Variants in TNIK observed in about 807,000 individuals in gnomAD.
TNIK encodes TRAF2 and NCK interacting kinase.
Under a neutral mutation model 191.3 loss-of-function variants are expected in TNIK, and 49 were observed. That is an observed-to-expected ratio of 0.26 (90% CI 0.20 to 0.32). The LOEUF is 0.32. TNIK is among the 10% of genes least tolerant of loss of function. The probability of loss-of-function intolerance (pLI) is 1.00; values close to 1 mark genes in which losing one functional copy is unlikely to be tolerated. For synonymous variants in TNIK, 594 were observed against 600.9 expected (o/e 0.99, Z 0.17); for missense variants, 1,155 against 1,702.3 (o/e 0.68, Z 5.66).
intron 1 of TNIK, among the ~76,000 whole-genome samples, chr3:171,407,272 A>G (rs903666745): frequency 1.3e-5 from 2 of 152,204 alleles, no homozygotes; most frequent in African/African-American, 4.8e-5. Context: ...GATGATGACA[A>G]TCTTGGTAGA....
At position 171,139,369 on chromosome 3, in the gene TNIK, C is replaced by G. The variant is rs1307025781; in HGVS notation, c.1419+101G>C. On this transcript the variant is annotated intron_variant, in intron 14 of 32. Coordinates refer to ENST00000436636, the MANE Select transcript of TNIK (RefSeq NM_015028.4). ...TGGACTGGTATGTTAGAAGGACACA[C>G]GCACGCGCGCACACACACACACACA... 9 of 1,062,344 alleles carry G rather than the reference C, an allele frequency of 8.5e-6. No homozygotes were observed. The East Asian group carries it at 1.2e-4, about 14-fold the overall frequency. 65.8% of individuals were successfully genotyped at this position (1,062,344 alleles called of 1,614,324 possible).
At chr3:171,422,579 A>G (rs1723967085) in intron 1 of TNIK, among the ~76,000 whole-genome samples, 2 of 152,178 alleles carry the variant, frequency 1.3e-5, no homozygotes, top group Non-Finnish European at 2.9e-5. Context: ...ATCAAAATGG[A>G]AAAAATAAAC....
intron 12 of TNIK, among the ~76,000 whole-genome samples, chr3:171,140,973 A>G (rs1242424932): frequency 6.6e-6 from 1 of 152,234 alleles, no homozygotes; most frequent in East Asian, 1.9e-4. Context: ...GCCATACAGA[A>G]TTGATGGCAG....
chr3:171,175,288 G>A lies in TNIK; in HGVS notation c.737C>T (p.Pro246Leu). 1 of 1,612,738 alleles carries A rather than the reference G, an allele frequency of 6.2e-7. No homozygotes were observed. Among genetic ancestry groups the A allele is most frequent in the Non-Finnish European group, 8.5e-7 (1 of 1,179,540 alleles). ...MHPMRALFLIPRNPAPRLKSK... is the reference protein window; with the variant it reads ...MHPMRALFLILRNPAPRLKSK... ...CTTCAGCCGAGGCGCTGGGTTCCGG[G>A]GGATGAGGAAGAGAGCTCTCATGGG... The change falls in exon 9 of 33, where the codon CCC (proline) becomes CTC (leucine). Residue 246 changes from proline (P) to leucine (L), a missense_variant. Physicochemically the swap from Pro to Leu is moderately conservative, Grantham distance 98 (BLOSUM62 -3). Transcript: ENST00000436636.
rs1577354992 is a variant in TNIK, at chr3:171,286,285, A to C, written c.124-58064T>G. Among the ~76,000 whole-genome samples the C allele has an allele frequency of 5.9e-5, 9 of 152,316 alleles. 1 individual carries two copies. In the South Asian group the frequency reaches 1.7e-3, roughly 28 times the overall value. Reference sequence around the variant, plus strand: ...CTATAGTACTTAGAAAACTAACTGAAAATAGGACAATTCATGAATGCCCTG... The same window carrying C: ...CTATAGTACTTAGAAAACTAACTGACAATAGGACAATTCATGAATGCCCTG... On this transcript the variant is annotated intron_variant, in intron 2 of 32. Transcript: ENST00000436636.
chr3:171,177,216 A>G (rs1289039339), intron 8 of TNIK, 110 bp downstream of exon 8: 3 of 1,114,732 alleles, frequency 2.7e-6, no homozygotes, highest in Non-Finnish European at 3.8e-6. Flanking sequence ...GCTTGAATCC[A>G]TGCAGGGCTC....
chr3:171,389,519 T>G (rs1719183631), intron 1 of TNIK, among the ~76,000 whole-genome samples: 1 of 152,152 alleles, frequency 6.6e-6, no homozygotes, highest in Admixed American at 6.5e-5. Flanking sequence ...GTAGAGCACT[T>G]GCTATGGAAA....
intron 1 of TNIK, among the ~76,000 whole-genome samples, chr3:171,422,362 T>G (rs185462700): frequency 6.6e-6 from 1 of 152,264 alleles, no homozygotes; most frequent in Admixed American, 6.5e-5. Flanking sequence ...TGTTTATACA[T>G]ATGAATTCAA....
chr3:171,067,411 C>T (rs1236131529), intron 30 of TNIK, among the ~76,000 whole-genome samples: 3 of 152,242 alleles, frequency 2.0e-5, no homozygotes, highest in Non-Finnish European at 4.4e-5. Context: ...TGGCTCATGC[C>T]TGTAATCCCA....
intron 2 of TNIK, among the ~76,000 whole-genome samples, chr3:171,307,009 T>C (rs944306733): frequency 2.6e-5 from 4 of 152,064 alleles, no homozygotes; most frequent in Non-Finnish European, 5.9e-5. Context: ...TTGTCTACTG[T>C]GCATCTTCAG....
chr3:171,358,965 G>C, intron 2 of TNIK, among the ~76,000 whole-genome samples: 1 of 152,082 alleles, frequency 6.6e-6, no homozygotes, highest in East Asian at 1.9e-4. Flanking sequence ...GGGATAGTAG[G>C]GTATGGGGAG....
At chr3:171,394,012 A>G (rs1252175907) in intron 1 of TNIK, among the ~76,000 whole-genome samples, 1 of 152,234 alleles carries the variant, frequency 6.6e-6, no homozygotes, top group Admixed American at 6.5e-5. Flanking sequence ...CTTACAATCA[A>G]TTGCACATGC....
At chr3:171,095,735 C>T (rs546781024) in intron 22 of TNIK, among the ~76,000 whole-genome samples, 99 of 152,110 alleles carry the variant, frequency 6.5e-4, no homozygotes, top group African/African-American at 2.3e-3. Flanking sequence ...GGAGTCCAGA[C>T]GAGAAAATGT....
chr3:171,314,248 T>C (rs1173642332), intron 2 of TNIK, among the ~76,000 whole-genome samples: 1 of 152,170 alleles, frequency 6.6e-6, no homozygotes, highest in Non-Finnish European at 1.5e-5. Context: ...TATGAGAACC[T>C]CTACTTTAGC....
At chr3:171,145,276 C>T (rs7374056) in intron 12 of TNIK, among the ~76,000 whole-genome samples, 8,962 of 152,040 alleles carry the variant, frequency 0.059, 322 homozygotes, top group Middle Eastern at 0.13. Context: ...TTAGTAGAGA[C>T]GGGGTATCAC....
intron 2 of TNIK, among the ~76,000 whole-genome samples, chr3:171,256,062 A>C (rs1205067759): frequency 6.6e-6 from 1 of 152,190 alleles, no homozygotes; most frequent in Non-Finnish European, 1.5e-5. Context: ...CTACTTTGCC[A>C]CACAGAGGGA....
chr3:171,258,954 C>T (rs1010111931), intron 2 of TNIK, among the ~76,000 whole-genome samples: 6 of 152,154 alleles, frequency 3.9e-5, no homozygotes, highest in Admixed American at 2.6e-4. Flanking sequence ...CGCACACACA[C>T]GCAAACACGC....
chr3:171,387,774 A>G (rs987017413), intron 1 of TNIK, among the ~76,000 whole-genome samples: 1 of 152,202 alleles, frequency 6.6e-6, no homozygotes, highest in Non-Finnish European at 1.5e-5. Context: ...TCAAACCACT[A>G]GGAGTGAGGC....
chr3:171,133,455 C>T (rs1006781022), intron 15 of TNIK, among the ~76,000 whole-genome samples: 4 of 152,128 alleles, frequency 2.6e-5, no homozygotes, highest in African/African-American at 9.7e-5. Flanking sequence ...TGTTGAATAC[C>T]ATATTTCATT....
Sources: allele counts gnomAD v4.1 joint callset (sites outside exome capture counted in the v4.1 genomes callset), GRCh38; gene constraint gnomAD v4.1.1; transcripts MANE v1.5; gene names NCBI Gene and HGNC (gene_info 2026-07-23, HGNC 2026-07-21).